UBE2R2: variants seen among roughly 807,000 people sequenced by gnomAD.
UBE2R2 encodes the protein ubiquitin-conjugating enzyme E2 R2.
In UBE2R2, 1 loss-of-function variant was observed where a neutral mutation model predicts 27.8. The observed-to-expected ratio is 0.04, with a 90% CI of 0.01 to 0.17. UBE2R2 has a LOEUF of 0.17. Ranked by LOEUF, UBE2R2 falls within the 10% of genes least tolerant of loss-of-function variation. UBE2R2 has a pLI of 1.00. For synonymous variants in UBE2R2, 106 were observed against 113.3 expected (o/e 0.94, Z 0.41); for missense variants, 100 against 291.0 (o/e 0.34, Z 4.78).
intron 1 of UBE2R2, among the ~76,000 whole-genome samples, chr9:33,880,046 T>A (rs1821698970): frequency 6.6e-6 from 1 of 151,628 alleles, no homozygotes; most frequent in African/African-American, 2.4e-5. Flanking sequence ...CCATCATGGC[T>A]GGCAACTTTT....
intron 1 of UBE2R2, among the ~76,000 whole-genome samples, chr9:33,870,434 T>C (rs1821462378): frequency 6.6e-6 from 1 of 152,200 alleles, no homozygotes; most frequent in Non-Finnish European, 1.5e-5. Flanking sequence ...TGAGTTACCA[T>C]GCCCGGCTTT....
intron 3 of UBE2R2, among the ~76,000 whole-genome samples, chr9:33,904,395 G>A (rs1288344505): frequency 1.3e-5 from 2 of 152,038 alleles, no homozygotes; most frequent in African/African-American, 4.8e-5. Flanking sequence ...GATGGCATAG[G>A]GTTCATCTCA....
chr9:33,894,350 C>A lies in UBE2R2; in HGVS notation c.265-5824C>A, dbSNP rs78824854. Among the ~76,000 whole-genome samples, 1,270 of 152,276 alleles carry A rather than the reference C, an allele frequency of 8.3e-3. 15 individuals carry two copies. Among genetic ancestry groups the A allele is most frequent in the African/African-American group, 0.028 (1,167 of 41,562 alleles). Reference sequence around the variant, plus strand: ...CATTGTGGTTTTGCTTTGCATTACCCACATGGCTTATGTTGAGCATCTTTT... The same window carrying A: ...CATTGTGGTTTTGCTTTGCATTACCAACATGGCTTATGTTGAGCATCTTTT... On this transcript the variant is annotated intron_variant, in intron 2 of 4. Transcript: ENST00000263228.
intron 1 of UBE2R2, among the ~76,000 whole-genome samples, chr9:33,818,365 T>TGGGG: frequency 2.3e-4 from 1 of 4,406 alleles, no homozygotes; most frequent in African/African-American, 1.0e-3. Flanking sequence ...TTTTCTTTTT[T>TGGGG]GGGGGGTGGG....
At chr9:33,840,125 GTC>G (rs1297944847) in intron 1 of UBE2R2, among the ~76,000 whole-genome samples, 2 of 152,196 alleles carry the variant, frequency 1.3e-5, no homozygotes, top group African/African-American at 2.4e-5. Context: ...AGCAGAAAAC[GTC>G]TCTTTCACAA....
At chr9:33,832,658 T>TAAAA (rs374517545) in intron 1 of UBE2R2, among the ~76,000 whole-genome samples, 1 of 134,178 alleles carries the variant, frequency 7.5e-6, no homozygotes. Context: ...AGACTCCGTC[T>TAAAA]AAAAAAAAAA....
chr9:33,911,095 C>A (rs1167667868), intron 3 of UBE2R2, among the ~76,000 whole-genome samples: 1 of 150,636 alleles, frequency 6.6e-6, no homozygotes, highest in Non-Finnish European at 1.5e-5. Flanking sequence ...CAGAGCAAGA[C>A]CCTGTCAAAA....
intron 1 of UBE2R2, among the ~76,000 whole-genome samples, chr9:33,864,135 A>G (rs1022241855): frequency 6.6e-6 from 1 of 152,102 alleles, no homozygotes; most frequent in Admixed American, 6.6e-5. Context: ...CCTGATTACT[A>G]ATTTTATCTG....
intron 1 of UBE2R2, among the ~76,000 whole-genome samples, chr9:33,828,860 A>C (rs1308911756): frequency 1.3e-5 from 2 of 151,898 alleles, no homozygotes; most frequent in African/African-American, 4.8e-5. Context: ...CAGCCTCCTG[A>C]GTAGCTGGGA....
intron 2 of UBE2R2, among the ~76,000 whole-genome samples, chr9:33,888,407 TTA>T (rs904605119): frequency 3.9e-5 from 6 of 152,240 alleles, no homozygotes; most frequent in Non-Finnish European, 7.3e-5. Flanking sequence ...TGAAATTGCT[TTA>T]GAGTCTTGCC....
At chr9:33,833,146 C>A (rs964533041) in intron 1 of UBE2R2, among the ~76,000 whole-genome samples, 1 of 152,148 alleles carries the variant, frequency 6.6e-6, no homozygotes, top group Non-Finnish European at 1.5e-5. Flanking sequence ...CTCAGTGAAA[C>A]CTCCGCCTCC....
At chr9:33,848,210 T>C (rs1028177641) in intron 1 of UBE2R2, among the ~76,000 whole-genome samples, 1 of 152,236 alleles carries the variant, frequency 6.6e-6, no homozygotes, top group African/African-American at 2.4e-5. Flanking sequence ...ATTCATTTTG[T>C]GCAATTTTTT....
intron 1 of UBE2R2, among the ~76,000 whole-genome samples, chr9:33,871,835 T>C (rs1304519487): frequency 6.6e-6 from 1 of 152,118 alleles, no homozygotes; most frequent in Non-Finnish European, 1.5e-5. Flanking sequence ...CTCAGCCTCC[T>C]GAGTAGCTGG....
chr9:33,907,045 C>T (rs1166733258), intron 3 of UBE2R2, among the ~76,000 whole-genome samples: 2 of 152,208 alleles, frequency 1.3e-5, no homozygotes, highest in Non-Finnish European at 2.9e-5. Flanking sequence ...GTCTTTTAAA[C>T]ACATATGAGC....
intron 1 of UBE2R2, among the ~76,000 whole-genome samples, chr9:33,858,063 C>A (rs189838841): frequency 6.6e-6 from 1 of 152,108 alleles, no homozygotes; most frequent in Non-Finnish European, 1.5e-5. Flanking sequence ...ACAGAATAAT[C>A]GCATATAATA....
At chr9:33,849,799 G>T (rs1369146404) in intron 1 of UBE2R2, among the ~76,000 whole-genome samples, 1 of 151,902 alleles carries the variant, frequency 6.6e-6, no homozygotes, top group Non-Finnish European at 1.5e-5. Context: ...GGAGGTTGCA[G>T]TGAGCCAAGC....
chr9:33,893,988 G>T (rs536261217), intron 2 of UBE2R2, among the ~76,000 whole-genome samples: 14 of 152,046 alleles, frequency 9.2e-5, no homozygotes, highest in African/African-American at 3.4e-4. Context: ...TTAGTGCTGG[G>T]ATTACAGGCA....
chr9:33,844,153 A>G (rs984854913), intron 1 of UBE2R2, among the ~76,000 whole-genome samples: 1 of 152,236 alleles, frequency 6.6e-6, no homozygotes, highest in Non-Finnish European at 1.5e-5. Flanking sequence ...TTATATTTTC[A>G]TAAGTTTTAT....
At chr9:33,822,178 G>A (rs955290506) in intron 1 of UBE2R2, among the ~76,000 whole-genome samples, 4 of 146,736 alleles carry the variant, frequency 2.7e-5, no homozygotes, top group Non-Finnish European at 6.0e-5. Flanking sequence ...TGCAACCTCC[G>A]CCTCCTGGGT....
Sources: gnomAD v4.1 joint callset for allele counts (sites outside exome capture counted in the v4.1 genomes callset) on GRCh38, gnomAD v4.1.1 for gene constraint, MANE v1.5 for transcripts, NCBI Gene and HGNC (gene_info 2026-07-23, HGNC 2026-07-21) for gene names.